The following NDUFV3 variants were observed in gnomAD, a reference collection of about 807,000 sequenced individuals.
The protein encoded by NDUFV3 is NADH dehydrogenase [ubiquinone] flavoprotein 3, mitochondrial.
A neutral mutation model predicts 37.5 loss-of-function variants in NDUFV3; 44 were observed. That is an observed-to-expected ratio of 1.17 (90% confidence interval 0.92 to 1.51). The LOEUF (loss-of-function observed/expected upper bound fraction) is 1.51, where lower values mean the gene tolerates loss of function less well. Among genes scored for constraint, NDUFV3 ranks in the 40% most tolerant of loss-of-function variants. The pLI is 0.00. For missense variants in NDUFV3, 580 were observed against 580.4 expected, an observed-to-expected ratio of 1.00 and a Z score of 0.01; for synonymous variants, 235 against 239.3, an observed-to-expected ratio of 0.98 and a Z score of 0.17.
chr21:42,897,505 C>G (rs1048261979), intron 2 of NDUFV3, among the ~76,000 whole-genome samples: 5 of 152,192 alleles, frequency 3.3e-5, no homozygotes, highest in African/African-American at 9.7e-5. Context: ...CCAGGACTAG[C>G]TGGGACTACA....
At chr21:42,896,851 A>G (rs1186488514) in intron 1 of NDUFV3, 76 bp from the exon 2 acceptor site, 1 of 1,426,680 alleles carries the variant, frequency 7.0e-7, no homozygotes, top group Non-Finnish European at 9.7e-7. Flanking sequence ...AAAAATATAT[A>G]TATATATTCA....
intron 2 of NDUFV3, 100 bp from the exon 3 acceptor site, chr21:42,903,082 A>G (rs1413658549): frequency 1.4e-6 from 2 of 1,465,772 alleles, no homozygotes; most frequent in Non-Finnish European, 1.9e-6. Flanking sequence ...TGCATTGAAG[A>G]TACTGTCAGT....
chr21:42,909,119 A>G lies in NDUFV3; in HGVS notation c.*98A>G. On this transcript the variant is annotated 3_prime_UTR_variant, in exon 4 of 4. Coordinates refer to ENST00000354250, the MANE Select transcript of NDUFV3 (RefSeq NM_021075.4). ...AGAGTCACAAGGCCCGCTGTGCATA[A>G]TCGGTTTCACTTTTACCTTTTTTTT... The G allele has an allele frequency of 2.3e-6, 3 of 1,292,916 alleles. No individual in the cohort carries two copies. Among genetic ancestry groups the G allele is most frequent in the Non-Finnish European group, 3.3e-6 (3 of 912,144 alleles). The allele number at this position is 1,292,916 out of a possible 1,614,324, so 80.1% of individuals were successfully genotyped here. A position where few individuals can be genotyped will look rare whatever the true frequency, so the allele number is the denominator to read the frequency against.
rs754555161 is a variant in NDUFV3 at position 42,893,320 on chromosome 21, C to T, written c.-14C>T. The T allele has an allele frequency of 1.3e-6, 2 of 1,537,682 alleles. No homozygotes were observed. The highest frequency in any genetic ancestry group is 1.2e-5 in the South Asian group (1 of 83,954). On this transcript the variant is annotated 5_prime_UTR_variant, in exon 1 of 4. Coordinates refer to ENST00000354250, the MANE Select transcript of NDUFV3 (RefSeq NM_021075.4). ...GCTGCTGTGGCCCTGCTTGGTGCGCCCGCTGTCACCGCCATGGCTGCCCCG... is the reference window on the plus strand; with the variant it reads ...GCTGCTGTGGCCCTGCTTGGTGCGCTCGCTGTCACCGCCATGGCTGCCCCG...
chr21:42,897,698 A>G (rs1219736899), intron 2 of NDUFV3, among the ~76,000 whole-genome samples: 1 of 141,536 alleles, frequency 7.1e-6, no homozygotes, highest in Non-Finnish European at 1.5e-5. Context: ...TTTTTTTGAG[A>G]TGGAGTCCTG....
In NDUFV3 at chr21:42,903,461, C is replaced by T. The variant is rs544557963; in HGVS notation, c.449C>T (p.Ser150Leu). ...EARQVGRKVTSPSSSSSSSSS... is the reference protein window; with the variant it reads ...EARQVGRKVTLPSSSSSSSSS... ...CGTCAGGTGGGTCGGAAAGTGACGT[C>T]GCCTTCGTCTTCATCCTCTTCCAGC... is the stretch of plus-strand genomic sequence containing the variant. The change falls in exon 3 of 4, where the codon TCG (serine) becomes TTG (leucine). Residue 150 changes from serine (S) to leucine (L), a missense_variant. Ser to Leu is a moderately radical substitution (Grantham distance 145). Coordinates refer to ENST00000354250, the MANE Select transcript of NDUFV3 (RefSeq NM_021075.4). 7.4e-6 allele frequency: 12 copies of T among 1,614,058 alleles called. No homozygotes were observed. Among genetic ancestry groups the T allele is most frequent in the South Asian group, 4.4e-5 (4 of 91,072 alleles).
intron 2 of NDUFV3, among the ~76,000 whole-genome samples, chr21:42,897,290 C>T (rs184298523): frequency 3.9e-4 from 59 of 152,274 alleles, no homozygotes; most frequent in Middle Eastern, 3.4e-3. Flanking sequence ...TTCTAAATGC[C>T]AAACCCCAAC....
Position 42,893,330 on chromosome 21 carries a change from C to T in NDUFV3, c.-4C>T, listed in dbSNP as rs1214432280. 9 of 1,538,094 alleles carry T rather than the reference C, an allele frequency of 5.9e-6. No homozygotes were observed. The highest frequency in any genetic ancestry group is 3.9e-5 in the Admixed American group (2 of 50,956). ...CCCTGCTTGGTGCGCCCGCTGTCAC[C>T]GCCATGGCTGCCCCGTGTTTGCTGC... is the stretch of plus-strand genomic sequence containing the variant. On this transcript the variant is annotated 5_prime_UTR_variant, in exon 1 of 4. Transcript: ENST00000354250.
At chr21:42,908,727 C>T (rs1302402298) in intron 3 of NDUFV3, 137 bp from the exon 4 acceptor site, 4 of 948,644 alleles carry the variant, frequency 4.2e-6, no homozygotes, top group Non-Finnish European at 6.5e-6. Context: ...TGTATGTGAG[C>T]CAAGTCATTC....
At chr21:42,898,594 G>C (rs913383035) in intron 2 of NDUFV3, among the ~76,000 whole-genome samples, 2 of 152,150 alleles carry the variant, frequency 1.3e-5, no homozygotes, top group African/African-American at 4.8e-5. Flanking sequence ...CTCAGCCCCT[G>C]GAGTAGCCAG....
chr21:42,906,703 C>T lies in NDUFV3; in HGVS notation c.1265-2161C>T, dbSNP rs372704071. ...TTGCAGAGCCGTGTCTGTATGGGGC[C>T]GCGGTCTCACTAGGCAGTCCGTGCC... On this transcript the variant is annotated intron_variant, in intron 3 of 3. Transcript: ENST00000354250. The T allele has an allele frequency of 3.1e-4, 104 of 332,750 alleles. 3 individuals carry two copies. The highest frequency in any genetic ancestry group is 2.0e-3 in the South Asian group (82 of 41,902). The allele number at this position is 332,750 out of a possible 1,614,324, so 20.6% of individuals were successfully genotyped here.
chr21:42,897,628 C>T (rs2058698653), intron 2 of NDUFV3, among the ~76,000 whole-genome samples: 1 of 152,210 alleles, frequency 6.6e-6, no homozygotes, highest in African/African-American at 2.4e-5. Context: ...CCGCCTCGGC[C>T]TCCCAAAGTG....
rs2058756783 is a variant in NDUFV3 at position 42,909,134 on chromosome 21, AC to A, written c.*115del. 1.3e-6 allele frequency: 1 copy of A among 756,998 alleles called. No individual in the cohort carries two copies. 46.9% of individuals were successfully genotyped at this position (756,998 alleles called of 1,614,324 possible). Reference sequence around the variant, plus strand: ...GCTGTGCATAATCGGTTTCACTTTTACCTTTTTTTTTTTTTTTTTTTTTTTG... The same window carrying A: ...GCTGTGCATAATCGGTTTCACTTTTACTTTTTTTTTTTTTTTTTTTTTTTG... On this transcript the variant is annotated 3_prime_UTR_variant, in exon 4 of 4. Coordinates refer to ENST00000354250, the MANE Select transcript of NDUFV3 (RefSeq NM_021075.4).
rs760400512 is a variant in NDUFV3 at position 42,908,961 on chromosome 21, C to T, written c.1362C>T (p.Leu454=). The change falls in exon 4 of 4, where the codon CTC becomes CTT. Residue 454 remains leucine, a synonymous_variant. Transcript: ENST00000354250. The part of the protein sequence containing the change: ...YSTYTFLDLN[L]ELSKFRMPQP... ...CGTACACCTTCTTAGACCTCAACCT[C>T]GAACTCTCAAAATTCAGGATGCCTC... 2.5e-6 allele frequency: 4 copies of T among 1,614,012 alleles called. No individual in the cohort carries two copies. Among genetic ancestry groups the T allele is most frequent in the Admixed American group, 3.3e-5 (2 of 59,976 alleles).
At chr21:42,896,093 C>T (rs2058689571) in intron 1 of NDUFV3, among the ~76,000 whole-genome samples, 3 of 150,158 alleles carry the variant, frequency 2.0e-5, no homozygotes, top group Admixed American at 2.0e-4. Context: ...AAGCAATTCT[C>T]CTGCCTCAGC....
At chr21:42,902,073 T>C (rs1345273340) in intron 2 of NDUFV3, among the ~76,000 whole-genome samples, 1 of 152,134 alleles carries the variant, frequency 6.6e-6, no homozygotes, top group Non-Finnish European at 1.5e-5. Context: ...CTGGGTGTGG[T>C]GGCGCATGCC....
At chr21:42,895,739 G>A (rs1449618160) in intron 1 of NDUFV3, among the ~76,000 whole-genome samples, 1 of 151,894 alleles carries the variant, frequency 6.6e-6, no homozygotes, top group Non-Finnish European at 1.5e-5. Context: ...AAATGCACTG[G>A]AGAACGTCTG....
chr21:42,908,956 A>T lies in NDUFV3; in HGVS notation c.1357A>T (p.Asn453Tyr). ...CAGCACGTACACCTTCTTAGACCTC[A>T]ACCTCGAACTCTCAAAATTCAGGAT... ...DYSTYTFLDL[N>Y]LELSKFRMPQ... is the part of the protein sequence containing the mutation. Residue 453 changes from asparagine (N) to tyrosine (Y), a missense_variant, in exon 4 of 4, where the codon AAC (asparagine) becomes TAC (tyrosine). By Grantham distance (143) the Asn-to-Tyr change is moderately radical. Coordinates refer to ENST00000354250, the MANE Select transcript of NDUFV3 (RefSeq NM_021075.4). 6.2e-7 allele frequency: 1 copy of T among 1,613,768 alleles called. No individual in the cohort carries two copies. The highest frequency in any genetic ancestry group is 8.5e-7 in the Non-Finnish European group (1 of 1,179,776).
At chr21:42,904,421 G>A in intron 3 of NDUFV3, 145 bp downstream of exon 3, 2 of 1,068,880 alleles carry the variant, frequency 1.9e-6, no homozygotes, top group Non-Finnish European at 2.8e-6. Context: ...TCTCAGCCAG[G>A]CAGAAAAGTA....
Sources: gnomAD v4.1 joint callset for allele counts (sites outside exome capture counted in the v4.1 genomes callset) on GRCh38, gnomAD v4.1.1 for gene constraint, MANE v1.5 for transcripts, NCBI Gene and HGNC (gene_info 2026-07-23, HGNC 2026-07-21) for gene names.